The following GTF2I variants were observed in gnomAD, a reference collection of about 807,000 sequenced individuals.
GTF2I encodes general transcription factor II-I.
In GTF2I, 12 loss-of-function variants were observed where a neutral mutation model predicts 67.6. The observed-to-expected ratio is 0.18, with a 90% CI of 0.11 to 0.29. The LOEUF (loss-of-function observed/expected upper bound fraction) is 0.29, where lower values mean the gene tolerates loss of function less well. Among genes scored for constraint, GTF2I ranks in the 10% least tolerant of loss-of-function variants. The probability of loss-of-function intolerance (pLI) is 1.00; values close to 1 mark genes in which losing one functional copy is unlikely to be tolerated. For synonymous variants in GTF2I, 149 were observed against 197.0 expected, an observed-to-expected ratio of 0.76 and a Z score of 2.04; for missense variants, 271 against 580.1, an observed-to-expected ratio of 0.47 and a Z score of 5.47.
chr7:74,726,898 C>CG (rs1793872806), intron 12 of GTF2I: 4 of 115,158 alleles, frequency 3.5e-5, no homozygotes, highest in African/African-American at 6.8e-5. Flanking sequence ...GAGACCCTGC[C>CG]AATAGATAGA....
Position 74,753,140 on chromosome 7 carries a change from A to G in GTF2I, c.2604A>G (p.Leu868=), listed in dbSNP as rs1298180011. The change falls in exon 29 of 35, where the codon CTA becomes CTG. Residue 868 remains leucine, a synonymous_variant. Transcript: ENST00000573035. Reference sequence around the variant, plus strand: ...CGAAAGTTGAAAAAGCTAGACAGCTAAGAGAACAAGTGAATGACCTCTTTA... The same window carrying G: ...CGAAAGTTGAAAAAGCTAGACAGCTGAGAGAACAAGTGAATGACCTCTTTA... ...RLSKVEKARQ[L]REQVNDLFSR... 1 of 1,613,302 alleles carries G rather than the reference A, an allele frequency of 6.2e-7. No homozygotes were observed. Among genetic ancestry groups the G allele is most frequent in the African/African-American group, 1.3e-5 (1 of 74,888 alleles).
intron 3 of GTF2I, among the ~76,000 whole-genome samples, chr7:74,696,993 A>G (rs933742657): frequency 6.6e-6 from 1 of 152,154 alleles, no homozygotes; most frequent in Non-Finnish European, 1.5e-5. Flanking sequence ...ATAATTTAAA[A>G]CTTTCTAGTT....
intron 3 of GTF2I, among the ~76,000 whole-genome samples, chr7:74,694,519 G>T (rs587769531): frequency 1.3e-5 from 2 of 152,152 alleles, no homozygotes; most frequent in African/African-American, 4.8e-5. Flanking sequence ...CCCAGGAGGC[G>T]GAGGTTGCAG....
chr7:74,718,316 C>T (rs1338209113), intron 11 of GTF2I, among the ~76,000 whole-genome samples: 1 of 152,094 alleles, frequency 6.6e-6, no homozygotes, highest in African/African-American at 2.4e-5. Context: ...CACTAACACT[C>T]TGATGTACAT....
intron 1 of GTF2I, among the ~76,000 whole-genome samples, chr7:74,672,898 C>T (rs981404901): frequency 1.3e-5 from 2 of 152,092 alleles, no homozygotes; most frequent in Non-Finnish European, 2.9e-5. Flanking sequence ...TCTCATTCTG[C>T]TGCCCAGGCT....
intron 12 of GTF2I, among the ~76,000 whole-genome samples, chr7:74,728,225 C>T (rs2131503952): frequency 6.6e-6 from 1 of 152,216 alleles, no homozygotes; most frequent in Admixed American, 6.5e-5. Flanking sequence ...TCGCTTGAGC[C>T]CAGGAGGTGG....
chr7:74,698,094 C>T (rs917555915), intron 3 of GTF2I, among the ~76,000 whole-genome samples: 1 of 152,088 alleles, frequency 6.6e-6, no homozygotes, highest in Admixed American at 6.6e-5. Flanking sequence ...TAGCTGGGAC[C>T]ACAGGCGCCC....
intron 9 of GTF2I, 103 bp from the exon 10 acceptor site, chr7:74,714,754 A>G (rs1202617771): frequency 1.7e-6 from 1 of 603,584 alleles, no homozygotes; most frequent in African/African-American, 1.9e-5. Context: ...TTTATTTATA[A>G]AAAGGCCATT....
At chr7:74,705,825 A>G (rs1554401199) in intron 7 of GTF2I, among the ~76,000 whole-genome samples, 1 of 151,692 alleles carries the variant, frequency 6.6e-6, no homozygotes, top group Admixed American at 6.6e-5. Flanking sequence ...CGGCCTCCCA[A>G]AGTACTGGGA....
intron 9 of GTF2I, 116 bp downstream of exon 9, chr7:74,711,225 A>G (rs1791504531): frequency 1.9e-6 from 1 of 524,190 alleles, no homozygotes; most frequent in Non-Finnish European, 3.4e-6. Flanking sequence ...TTCTTGATTG[A>G]CATATATATT....
chr7:74,750,788 AG>A (rs1795777506), intron 26 of GTF2I, among the ~76,000 whole-genome samples: 1 of 40,812 alleles, frequency 2.5e-5, no homozygotes, highest in Non-Finnish European at 4.1e-5. Flanking sequence ...TTGTATTTTT[AG>A]TAGAGAAGGG....
chr7:74,673,429 TG>T (rs1554391322), intron 1 of GTF2I, among the ~76,000 whole-genome samples: 2 of 152,070 alleles, frequency 1.3e-5, no homozygotes, highest in African/African-American at 4.8e-5. Flanking sequence ...CAGGCTAGAG[TG>T]CAATGGTGTG....
chr7:74,663,941 T>C (rs1804737971), intron 1 of GTF2I, among the ~76,000 whole-genome samples: 1 of 152,152 alleles, frequency 6.6e-6, no homozygotes, highest in Non-Finnish European at 1.5e-5. Flanking sequence ...GCGATTCTCC[T>C]GCCTCAGTCT....
intron 9 of GTF2I, among the ~76,000 whole-genome samples, chr7:74,712,600 G>A (rs587637602): frequency 6.7e-6 from 1 of 148,850 alleles, no homozygotes; most frequent in African/African-American, 2.5e-5. Flanking sequence ...GTGGTACACT[G>A]TATGTGTTGT....
intron 1 of GTF2I, among the ~76,000 whole-genome samples, chr7:74,682,186 C>T (rs376173821): frequency 7.2e-5 from 11 of 152,228 alleles, no homozygotes; most frequent in South Asian, 2.1e-4. Context: ...TTGGTAACCT[C>T]GCAATCTAAA....
intron 9 of GTF2I, among the ~76,000 whole-genome samples, chr7:74,714,348 T>C (rs1482827515): frequency 1.3e-5 from 2 of 152,124 alleles, no homozygotes; most frequent in African/African-American, 4.8e-5. Context: ...TTGTCACATT[T>C]CTATTTCAGT....
intron 1 of GTF2I, among the ~76,000 whole-genome samples, chr7:74,675,558 G>T (rs1010187328): frequency 6.6e-6 from 1 of 150,568 alleles, no homozygotes; most frequent in African/African-American, 2.5e-5. Flanking sequence ...TGTTTTTTTT[G>T]GGGGGGGCAG....
At chr7:74,678,987 G>A in intron 1 of GTF2I, among the ~76,000 whole-genome samples, 1 of 151,952 alleles carries the variant, frequency 6.6e-6, no homozygotes, top group South Asian at 2.1e-4. Context: ...GGCCAGGCTG[G>A]TCTCGAACTC....
At position 74,720,151 on chromosome 7, in the gene GTF2I, A is replaced by G. The variant is rs963689134; in HGVS notation, c.943+1210A>G. Among the ~76,000 whole-genome samples, 26 of 152,242 alleles carry G rather than the reference A, an allele frequency of 1.7e-4. 1 individual carries two copies. The highest frequency in any genetic ancestry group is 3.2e-3 in the Middle Eastern group (1 of 316). On this transcript the variant is annotated intron_variant, in intron 12 of 34. Coordinates refer to ENST00000573035, the MANE Select transcript of GTF2I (RefSeq NM_032999.4). ...TACATATCTTGATGCGAAAATACAC[A>G]GATGCTTTCAGCATACATTACAATG...
Sources: gnomAD v4.1 joint callset for allele counts (sites outside exome capture counted in the v4.1 genomes callset) on GRCh38, gnomAD v4.1.1 for gene constraint, MANE v1.5 for transcripts, NCBI Gene and HGNC (gene_info 2026-07-23, HGNC 2026-07-21) for gene names.